The following ANKS6 variants were observed in gnomAD, a reference collection of about 807,000 sequenced individuals.
ANKS6 encodes ankyrin repeat and sterile alpha motif domain containing 6.
In ANKS6, 47 loss-of-function variants were observed where a neutral mutation model predicts 77.9. The observed-to-expected ratio is 0.60, with a 90% CI of 0.48 to 0.77. The LOEUF (loss-of-function observed/expected upper bound fraction) is 0.77, where lower values mean the gene tolerates loss of function less well. ANKS6 is among the 30% of genes least tolerant of loss of function. The probability of loss-of-function intolerance (pLI) is 0.00; values close to 1 mark genes in which losing one functional copy is unlikely to be tolerated. For missense variants in ANKS6, 1,150 were observed against 1,159.1 expected (o/e 0.99, Z 0.11); for synonymous variants, 488 against 501.7 (o/e 0.97, Z 0.37).
chr9:98,793,037 C>A (rs1834988071), intron 1 of ANKS6, among the ~76,000 whole-genome samples: 1 of 152,200 alleles, frequency 6.6e-6, no homozygotes, highest in Admixed American at 6.5e-5. Flanking sequence ...TGAACAGGTG[C>A]TGTGATTACT....
chr9:98,735,112 T>A lies in ANKS6; in HGVS notation c.*1407A>T. 2.0e-6 allele frequency: 2 copies of A among 985,312 alleles called. No individual in the cohort carries two copies. The highest frequency in any genetic ancestry group is 9.4e-5 in the South Asian group (2 of 21,258). The allele number at this position is 985,312 out of a possible 1,614,324, so 61.0% of individuals were successfully genotyped here. A position where few individuals can be genotyped will look rare whatever the true frequency, so the allele number is the denominator to read the frequency against. ...CATGGCTCAAGGTAGAGATCAGAAT[T>A]CTGTGCAGCCTACCATCGACTGGGT... On this transcript the variant is annotated 3_prime_UTR_variant, in exon 15 of 15. Coordinates refer to ENST00000353234, the MANE Select transcript of ANKS6 (RefSeq NM_173551.5).
In ANKS6 at chr9:98,756,576, A is replaced by G. The variant is rs748551601; in HGVS notation, c.2170T>C (p.Ser724Pro). 4 of 1,553,154 alleles carry G rather than the reference A, an allele frequency of 2.6e-6. No individual in the cohort carries two copies. Among genetic ancestry groups the G allele is most frequent in the African/African-American group, 2.8e-5 (2 of 72,432 alleles). The change falls in exon 12 of 15, where the codon TCT becomes CCT. Residue 724 changes from serine (S) to proline (P), a missense_variant. Ser to Pro is a moderately conservative substitution (Grantham distance 74). Coordinates refer to ENST00000353234, the MANE Select transcript of ANKS6 (RefSeq NM_173551.5). ...CTCTTGGAGGTAGTGGAAGTTCCAG[A>G]TGGAGGCCTTTTGCTGGTCTCCAAT... ...KKLETSKRPP[S>P]GTSTTSKSTS...
At chr9:98,745,467 A>G in intron 14 of ANKS6, 92 bp downstream of exon 14, 2 of 1,214,188 alleles carry the variant, frequency 1.6e-6, no homozygotes, top group Non-Finnish European at 1.2e-6. Context: ...TCACTGTCAG[A>G]GAGAGGAAGT....
At position 98,777,191 on chromosome 9, in the gene ANKS6, C is replaced by T. The variant is rs77857067; in HGVS notation, c.1617+214G>A. Among the ~76,000 whole-genome samples the T allele has an allele frequency of 3.8e-3, 573 of 152,308 alleles. 4 individuals are homozygous for T. Among genetic ancestry groups the T allele is most frequent in the African/African-American group, 0.013 (536 of 41,552 alleles). On this transcript the variant is annotated intron_variant, in intron 8 of 14. Transcript: ENST00000353234. Reference sequence around the variant, plus strand: ...GAACAGGGCCAGGGCTGACACCCAGCGGGTGAGCACCAGCACAGCCCTCTC... The same window carrying T: ...GAACAGGGCCAGGGCTGACACCCAGTGGGTGAGCACCAGCACAGCCCTCTC...
At chr9:98,769,114 ACT>A (rs1833479457) in intron 10 of ANKS6, among the ~76,000 whole-genome samples, 1 of 146,830 alleles carries the variant, frequency 6.8e-6, no homozygotes, top group Non-Finnish European at 1.5e-5. Context: ...CAACAGTGAG[ACT>A]CTGTCTCAAA....
intron 14 of ANKS6, among the ~76,000 whole-genome samples, chr9:98,740,590 C>T (rs1048411245): frequency 3.3e-5 from 5 of 152,202 alleles, no homozygotes; most frequent in African/African-American, 1.2e-4. Flanking sequence ...TTATTAAACA[C>T]CATCTTAGCC....
At position 98,783,883 on chromosome 9, in the gene ANKS6, T is replaced by C. The variant is rs1004441435; in HGVS notation, c.1112+70A>G. On this transcript the variant is annotated intron_variant, in intron 4 of 14. Coordinates refer to ENST00000353234, the MANE Select transcript of ANKS6 (RefSeq NM_173551.5). ...AGCATCTCAGGACCAGAAGAGCCCATTGGGAACCTCCATCTCAGGCCAGAG... is the reference window on the plus strand; with the variant it reads ...AGCATCTCAGGACCAGAAGAGCCCACTGGGAACCTCCATCTCAGGCCAGAG... The C allele has an allele frequency of 4.9e-5, 67 of 1,359,206 alleles. No individual in the cohort carries two copies. The South Asian group carries it at 7.3e-4, about 15-fold the overall frequency. The allele number at this position is 1,359,206 out of a possible 1,614,324, so 84.2% of individuals were successfully genotyped here.
rs747125358 is a variant in ANKS6 at position 98,791,722 on chromosome 9, G to A, written c.360-1116C>T. Among the ~76,000 whole-genome samples the A allele has an allele frequency of 1.5e-4, 23 of 152,212 alleles. No individual in the cohort carries two copies. Among genetic ancestry groups the A allele is most frequent in the Non-Finnish European group, 2.4e-4 (16 of 68,000 alleles). On this transcript the variant is annotated intron_variant, in intron 1 of 14. Coordinates refer to ENST00000353234, the MANE Select transcript of ANKS6 (RefSeq NM_173551.5). The surrounding 1 kb of genome is among the most constrained non-coding windows in gnomAD (Gnocchi z 4.3). ...TTCTCGATGCTCAGCCCTCCTTCCC[G>A]GGAGCCAGTTTTGCACCTCATCTAA...
intron 9 of ANKS6, among the ~76,000 whole-genome samples, chr9:98,773,285 A>G (rs907953661): frequency 6.6e-6 from 1 of 152,226 alleles, no homozygotes; most frequent in African/African-American, 2.4e-5. Context: ...CACCCAGCAC[A>G]TGGCGACAGG....
At chr9:98,749,839 C>T (rs1244201909) in intron 13 of ANKS6, among the ~76,000 whole-genome samples, 1 of 152,166 alleles carries the variant, frequency 6.6e-6, no homozygotes, top group East Asian at 1.9e-4. Context: ...AACTGCATCT[C>T]AAGTCTGGTG....
chr9:98,739,815 C>T (rs986336639), intron 14 of ANKS6, among the ~76,000 whole-genome samples: 7 of 119,428 alleles, frequency 5.9e-5, no homozygotes, highest in South Asian at 2.9e-4. Context: ...AGTGCAGTGG[C>T]GCAATCTCGG....
chr9:98,779,769 T>C (rs1834131683), intron 6 of ANKS6, among the ~76,000 whole-genome samples: 1 of 152,032 alleles, frequency 6.6e-6, no homozygotes, highest in Non-Finnish European at 1.5e-5. Flanking sequence ...GTTCACGCCA[T>C]TCTCCTGCCT....
rs1832803953 is a variant in ANKS6 at position 98,757,956 on chromosome 9, T to TAA, written c.2143-1354_2143-1353insTT. On this transcript the variant is annotated intron_variant, in intron 11 of 14. Coordinates refer to ENST00000353234, the MANE Select transcript of ANKS6 (RefSeq NM_173551.5). ...ATAAATAAATAAATAAATAAATAAATATACAAAATAAAATATCCTTTGGGA... is the reference window on the plus strand; with the variant it reads ...ATAAATAAATAAATAAATAAATAAATAAATACAAAATAAAATATCCTTTGGGA... 5.9e-5 allele frequency among the ~76,000 whole-genome samples: 9 copies of TAA among 151,930 alleles called. No homozygotes were observed. In the South Asian group the frequency reaches 1.9e-3, roughly 32 times the overall value.
At chr9:98,767,744 GCTC>G (rs1833379577) in intron 11 of ANKS6, among the ~76,000 whole-genome samples, 2 of 152,348 alleles carry the variant, frequency 1.3e-5, no homozygotes, top group South Asian at 2.1e-4. Flanking sequence ...CAGGCAGGTT[GCTC>G]CTCAACTCAT....
intron 2 of ANKS6, 84 bp from the exon 3 acceptor site, chr9:98,784,960 G>A: frequency 8.2e-7 from 1 of 1,212,452 alleles, no homozygotes; most frequent in Admixed American, 2.0e-5. Context: ...ACACAGCCTG[G>A]CTTTAAAAAG....
chr9:98,749,065 T>C (rs1832292186), intron 13 of ANKS6, among the ~76,000 whole-genome samples: 1 of 152,160 alleles, frequency 6.6e-6, no homozygotes, highest in Non-Finnish European at 1.5e-5. Flanking sequence ...ACCTCAGTCC[T>C]ACTAAAGCCT....
At chr9:98,789,732 G>A (rs140845590) in intron 2 of ANKS6, among the ~76,000 whole-genome samples, 1 of 152,290 alleles carries the variant, frequency 6.6e-6, no homozygotes, top group East Asian at 1.9e-4. Context: ...AGTGACTACT[G>A]TAGTTTTAAC....
At chr9:98,740,121 G>C (rs548174549) in intron 14 of ANKS6, among the ~76,000 whole-genome samples, 2 of 152,200 alleles carry the variant, frequency 1.3e-5, no homozygotes, top group African/African-American at 4.8e-5. Context: ...AGAGTGAAAA[G>C]GGGGAAAAAT....
Position 98,784,071 on chromosome 9 carries a change from G to A in ANKS6, c.994C>T (p.Leu332=). The change falls in exon 4 of 15, where the codon CTA becomes TTA. Residue 332 remains leucine (L), a synonymous_variant. Transcript: ENST00000353234. ...VNGDGATPLM[L]AAVTGQLALV... Reference sequence around the variant, plus strand: ...GCCAGCTGCCCCGTAACAGCTGCTAGCATCAGTGGCGTCGCCCCGTCCCCA... The same window carrying A: ...GCCAGCTGCCCCGTAACAGCTGCTAACATCAGTGGCGTCGCCCCGTCCCCA... 2 of 1,610,054 alleles carry A rather than the reference G, an allele frequency of 1.2e-6. No homozygotes were observed. The highest frequency in any genetic ancestry group is 2.2e-5 in the South Asian group (2 of 90,086).
Sources: allele counts gnomAD v4.1 joint callset (sites outside exome capture counted in the v4.1 genomes callset), GRCh38; gene constraint gnomAD v4.1.1; non-coding constraint Gnocchi (gnomAD v3.1); transcripts MANE v1.5; gene names NCBI Gene and HGNC (gene_info 2026-07-23, HGNC 2026-07-21).